Variants in SLIT1 observed in about 807,000 individuals in gnomAD.
SLIT1 encodes slit guidance ligand 1.
SLIT1 carries 66 observed loss-of-function variants against 186.1 expected under a neutral mutation model. The ratio of observed to expected loss-of-function variants is 0.35; its 90% CI spans 0.29 to 0.44. SLIT1 has a LOEUF of 0.44. Ranked by LOEUF, SLIT1 falls within the 20% of genes least tolerant of loss-of-function variation. The pLI is 1.00. For synonymous variants in SLIT1, 761 were observed against 833.8 expected, an observed-to-expected ratio of 0.91 and a Z score of 1.50; for missense variants, 1,638 against 2,037.4, an observed-to-expected ratio of 0.80 and a Z score of 3.77.
intron 22 of SLIT1, 136 bp from the exon 23 acceptor site, chr10:97,034,678 G>A: frequency 1.4e-6 from 1 of 723,202 alleles, no homozygotes. Context: ...AGGAGCCCTG[G>A]TGCACAGCCT....
In SLIT1 at chr10:97,042,358, C is replaced by T. The variant is rs558026542; in HGVS notation, c.2164+543G>A. The stretch of plus-strand genomic sequence containing the variant: ...ATGGGATGGCTGCACAGAGAAAAAT[C>T]TGCTTCCTACAGTGACCTTCCGTGC... On this transcript the variant is annotated intron_variant, in intron 20 of 36. Coordinates refer to ENST00000266058, the MANE Select transcript of SLIT1 (RefSeq NM_003061.3). Among the ~76,000 whole-genome samples, 260 of 152,238 alleles carry T rather than the reference C, an allele frequency of 1.7e-3. 1 individual carries two copies. The highest frequency in any genetic ancestry group is 3.3e-3 in the Non-Finnish European group (223 of 67,992).
At chr10:97,081,324 C>T (rs2134654591) in intron 4 of SLIT1, among the ~76,000 whole-genome samples, 1 of 152,270 alleles carries the variant, frequency 6.6e-6, no homozygotes, top group South Asian at 2.1e-4. Flanking sequence ...GGGAGCCCCA[C>T]CAACGTGGCA....
intron 3 of SLIT1, among the ~76,000 whole-genome samples, chr10:97,161,261 C>T (rs916592031): frequency 6.6e-6 from 1 of 152,170 alleles, no homozygotes; most frequent in Non-Finnish European, 1.5e-5. Flanking sequence ...TTCAAATCAG[C>T]CCCTCATAGC....
At chr10:97,102,796 G>A (rs1021952004) in intron 4 of SLIT1, 5 of 152,212 alleles carry the variant, frequency 3.3e-5, no homozygotes, top group African/African-American at 1.2e-4. Context: ...CACAAACCTG[G>A]GTCTGTATGC....
chr10:97,158,560 G>A (rs1448082212), intron 3 of SLIT1, among the ~76,000 whole-genome samples: 15 of 151,722 alleles, frequency 9.9e-5, no homozygotes, highest in African/African-American at 3.4e-4. Flanking sequence ...TACTCGGGAG[G>A]CTGAGGCAGG....
intron 4 of SLIT1, among the ~76,000 whole-genome samples, chr10:97,106,238 G>A (rs1849412196): frequency 6.6e-6 from 1 of 152,204 alleles, no homozygotes; most frequent in Admixed American, 6.5e-5. Context: ...AGACTTTTGA[G>A]GCAGAGGTTA....
intron 28 of SLIT1, among the ~76,000 whole-genome samples, chr10:97,016,889 C>G (rs946466817): frequency 1.2e-4 from 18 of 152,128 alleles, no homozygotes; most frequent in African/African-American, 4.3e-4. Flanking sequence ...TCCCTGAAGG[C>G]TGGAGGGGAC....
intron 25 of SLIT1, among the ~76,000 whole-genome samples, chr10:97,030,444 G>C (rs1286561641): frequency 6.6e-6 from 1 of 152,192 alleles, no homozygotes; most frequent in African/African-American, 2.4e-5. Flanking sequence ...TGTGAAAGAT[G>C]AGAACCACAG....
chr10:97,001,794 G>C (rs909082069), intron 36 of SLIT1, among the ~76,000 whole-genome samples: 1 of 152,152 alleles, frequency 6.6e-6, no homozygotes, highest in Non-Finnish European at 1.5e-5. Flanking sequence ...AAGCAGGCCA[G>C]GGAGGGCCTG....
intron 1 of SLIT1, 39 bp downstream of exon 1, chr10:97,185,438 AC>A (rs1432780689): frequency 1.3e-6 from 2 of 1,590,562 alleles, no homozygotes; most frequent in Non-Finnish European, 1.7e-6. Context: ...TGGGAGGGCA[AC>A]CTCGGAGCCA....
intron 25 of SLIT1, among the ~76,000 whole-genome samples, chr10:97,023,524 G>A (rs1848519357): frequency 6.6e-6 from 1 of 152,256 alleles, no homozygotes; most frequent in Admixed American, 6.5e-5. Context: ...CTGCTCTCAC[G>A]CCTGCACCAA....
chr10:97,002,663 G>T, intron 35 of SLIT1, 41 bp downstream of exon 35: 1 of 1,513,732 alleles, frequency 6.6e-7, no homozygotes, highest in Admixed American at 2.0e-5. Flanking sequence ...GGAAGGAACA[G>T]GTAGGCAGGG....
chr10:97,185,467 A>C lies in SLIT1; in HGVS notation c.197+11T>G. On this transcript the variant is annotated intron_variant, in intron 1 of 36. Transcript: ENST00000266058. ...CGGAGCCAGGGAGCCAGGGGCGGGG[A>C]CCATACTCACAGGCGCTCGGTGTTC... The C allele has an allele frequency of 6.2e-7, 1 of 1,609,470 alleles. No homozygotes were observed. Among genetic ancestry groups the C allele is most frequent in the Non-Finnish European group, 8.5e-7 (1 of 1,178,480 alleles).
intron 4 of SLIT1, among the ~76,000 whole-genome samples, chr10:97,139,184 C>T (rs1174637113): frequency 2.6e-5 from 4 of 152,168 alleles, no homozygotes; most frequent in African/African-American, 4.8e-5. Context: ...AGGCTGGGGG[C>T]CATCTCGAGA....
chr10:97,075,669 C>T (rs967859086), intron 4 of SLIT1, among the ~76,000 whole-genome samples: 1 of 152,202 alleles, frequency 6.6e-6, no homozygotes, highest in African/African-American at 2.4e-5. Context: ...CTGCAGATAA[C>T]TCAGCAAGTG....
At position 97,004,582 on chromosome 10, in the gene SLIT1, G is replaced by T. The variant is rs778802594; in HGVS notation, c.3710+111C>A. ...ATGGTTCAAGTGTCCTTCAAACTCA[G>T]GCAGCCCAGGTTTCTAGAGGTCTCG... On this transcript the variant is annotated intron_variant, in intron 33 of 36. Transcript: ENST00000266058. The surrounding 1 kb of genome is among the most constrained non-coding windows in gnomAD (Gnocchi z 5.1). 347 of 1,326,884 alleles carry T rather than the reference G, an allele frequency of 2.6e-4. 1 individual carries two copies. Among genetic ancestry groups the T allele is most frequent in the Non-Finnish European group, 3.5e-4 (334 of 941,442 alleles). 82.2% of individuals were successfully genotyped at this position (1,326,884 alleles called of 1,614,324 possible).
chr10:97,073,825 C>T (rs1003280415), intron 4 of SLIT1, among the ~76,000 whole-genome samples: 5 of 152,224 alleles, frequency 3.3e-5, no homozygotes, highest in Admixed American at 2.0e-4. Context: ...GGATGGAAAG[C>T]GGCACTTATG....
chr10:97,169,025 C>G (rs749960012), intron 1 of SLIT1, among the ~76,000 whole-genome samples: 47 of 152,338 alleles, frequency 3.1e-4, no homozygotes, highest in Non-Finnish European at 5.7e-4. Context: ...CCAGCCCCCA[C>G]AGTGCAGGTG....
chr10:97,008,848 C>CT (rs534188341), intron 31 of SLIT1, among the ~76,000 whole-genome samples: 1 of 151,474 alleles, frequency 6.6e-6, no homozygotes, highest in East Asian at 1.9e-4. Context: ...CCAAAACAAT[C>CT]TTTTTTTATT....
Sources: gnomAD v4.1 joint callset for allele counts (sites outside exome capture counted in the v4.1 genomes callset) on GRCh38, gnomAD v4.1.1 for gene constraint, Gnocchi (gnomAD v3.1) non-coding constraint, MANE v1.5 for transcripts, NCBI Gene and HGNC (gene_info 2026-07-23, HGNC 2026-07-21) for gene names.